Variants in SESTD1 observed in about 807,000 individuals in gnomAD.
The protein encoded by SESTD1 is SEC14 and spectrin domain containing 1.
SESTD1 carries 43 observed loss-of-function variants against 101.7 expected under a neutral mutation model. The observed-to-expected ratio is 0.42, with a 90% CI of 0.33 to 0.55. The LOEUF is 0.55. Ranked by LOEUF, SESTD1 falls within the 20% of genes least tolerant of loss-of-function variation. The pLI is 0.07. For synonymous variants in SESTD1, 283 were observed against 286.8 expected, an observed-to-expected ratio of 0.99 and a Z score of 0.13; for missense variants, 647 against 815.1, an observed-to-expected ratio of 0.79 and a Z score of 2.51.
At chr2:179,133,243 C>G (rs145229110) in intron 9 of SESTD1, among the ~76,000 whole-genome samples, 90 of 152,194 alleles carry the variant, frequency 5.9e-4, no homozygotes, top group Non-Finnish European at 1.1e-3. Flanking sequence ...ACATGATACC[C>G]CACAGGACTA....
chr2:179,161,655 C>T (rs1328048341), intron 5 of SESTD1, among the ~76,000 whole-genome samples: 6 of 147,384 alleles, frequency 4.1e-5, no homozygotes, highest in South Asian at 2.1e-4. Flanking sequence ...AGTGAGACTC[C>T]GTCTCAAAAA....
chr2:179,225,183 G>A (rs1260712177), intron 1 of SESTD1, among the ~76,000 whole-genome samples: 4 of 152,106 alleles, frequency 2.6e-5, no homozygotes, highest in Non-Finnish European at 5.9e-5. Flanking sequence ...TTGATTGGTT[G>A]CTGGTGGGGG....
At chr2:179,178,900 C>T (rs2046059298) in intron 3 of SESTD1, among the ~76,000 whole-genome samples, 1 of 152,148 alleles carries the variant, frequency 6.6e-6, no homozygotes, top group South Asian at 2.1e-4. Context: ...TTAATCTGTA[C>T]ATTAAGACTA....
intron 1 of SESTD1, among the ~76,000 whole-genome samples, chr2:179,250,510 T>C (rs1559162333): frequency 1.3e-5 from 2 of 152,204 alleles, no homozygotes; most frequent in Admixed American, 6.5e-5. Context: ...GATTAAGGTG[T>C]CAGCAGGTTT....
At chr2:179,157,643 G>T (rs915655450) in intron 5 of SESTD1, among the ~76,000 whole-genome samples, 17 of 152,168 alleles carry the variant, frequency 1.1e-4, no homozygotes, top group South Asian at 2.1e-4. Flanking sequence ...TACCAGCACA[G>T]AACCCAGAAA....
intron 13 of SESTD1, 77 bp from the exon 14 acceptor site, chr2:179,117,690 T>C: frequency 8.4e-7 from 1 of 1,189,674 alleles, no homozygotes; most frequent in Admixed American, 2.8e-5. Flanking sequence ...ATTTGGTACA[T>C]GTATTTTATA....
intron 10 of SESTD1, among the ~76,000 whole-genome samples, chr2:179,125,070 C>T (rs2044838865): frequency 6.6e-6 from 1 of 152,108 alleles, no homozygotes; most frequent in Non-Finnish European, 1.5e-5. Context: ...CACCCACCAC[C>T]ATCCTGAACC....
chr2:179,120,215 G>A (rs959352194), intron 13 of SESTD1, among the ~76,000 whole-genome samples: 2 of 150,680 alleles, frequency 1.3e-5, no homozygotes, highest in African/African-American at 5.0e-5. Flanking sequence ...GTGACAGAGC[G>A]AGACTCTGTT....
chr2:179,139,588 C>T (rs1005515379), intron 9 of SESTD1, among the ~76,000 whole-genome samples: 1 of 152,136 alleles, frequency 6.6e-6, no homozygotes, highest in African/African-American at 2.4e-5. Context: ...TAGATAACAA[C>T]CTAAACATTA....
intron 1 of SESTD1, among the ~76,000 whole-genome samples, chr2:179,245,811 T>C (rs1311959390): frequency 6.6e-6 from 1 of 152,120 alleles, no homozygotes; most frequent in Admixed American, 6.5e-5. Context: ...ACAACTACAG[T>C]AAATATATTA....
chr2:179,167,686 A>T (rs1436564338), intron 5 of SESTD1, among the ~76,000 whole-genome samples: 1 of 152,246 alleles, frequency 6.6e-6, no homozygotes, highest in South Asian at 2.1e-4. Context: ...TATAAATAAC[A>T]GCGGCCTTCT....
At chr2:179,188,951 CAAAA>C (rs1273859311) in intron 2 of SESTD1, among the ~76,000 whole-genome samples, 1 of 151,902 alleles carries the variant, frequency 6.6e-6, no homozygotes, top group African/African-American at 2.4e-5. Context: ...ATCTACCAAT[CAAAA>C]AAAGCCCTGG....
intron 13 of SESTD1, among the ~76,000 whole-genome samples, chr2:179,121,273 G>T (rs1211453922): frequency 1.3e-5 from 2 of 152,126 alleles, no homozygotes; most frequent in East Asian, 1.9e-4. Context: ...AGTTTTCAAA[G>T]AATCTTTTGA....
intron 5 of SESTD1, among the ~76,000 whole-genome samples, chr2:179,165,428 A>G (rs2105467280): frequency 6.6e-6 from 1 of 152,344 alleles, no homozygotes; most frequent in African/African-American, 2.4e-5. Flanking sequence ...TTTAAGCAGG[A>G]TGTGACAGGT....
intron 1 of SESTD1, among the ~76,000 whole-genome samples, chr2:179,202,514 C>T (rs1248848503): frequency 7.4e-6 from 1 of 134,624 alleles, no homozygotes; most frequent in Non-Finnish European, 1.6e-5. Context: ...ACAACTTATG[C>T]TGTTCCTAAG....
intron 8 of SESTD1, among the ~76,000 whole-genome samples, chr2:179,145,240 C>T (rs183767512): frequency 2.0e-5 from 3 of 151,844 alleles, no homozygotes; most frequent in Admixed American, 1.3e-4. Context: ...TTTTTCTTGT[C>T]GATATCATTT....
chr2:179,166,404 A>C (rs2045835618), intron 5 of SESTD1, among the ~76,000 whole-genome samples: 1 of 152,200 alleles, frequency 6.6e-6, no homozygotes, highest in South Asian at 2.1e-4. Flanking sequence ...AAAGGACTGA[A>C]AATCCTGCTG....
At chr2:179,171,394 G>T (rs972482495) in intron 5 of SESTD1, among the ~76,000 whole-genome samples, 6 of 152,088 alleles carry the variant, frequency 3.9e-5, no homozygotes, top group African/African-American at 1.4e-4. Context: ...AAAAATGAGT[G>T]TATAGCATGG....
chr2:179,177,670 G>C (rs1240831288), intron 3 of SESTD1, among the ~76,000 whole-genome samples: 1 of 152,182 alleles, frequency 6.6e-6, no homozygotes, highest in Non-Finnish European at 1.5e-5. Context: ...CTGAAGCTGA[G>C]CTTCCAAAGT....
Sources: gnomAD v4.1 joint callset for allele counts (sites outside exome capture counted in the v4.1 genomes callset) on GRCh38, gnomAD v4.1.1 for gene constraint, MANE v1.5 for transcripts, NCBI Gene and HGNC (gene_info 2026-07-23, HGNC 2026-07-21) for gene names.